The following FAM171B variants were observed in gnomAD, a reference collection of about 807,000 sequenced individuals.
The protein encoded by FAM171B is protein FAM171B.
In FAM171B, 19 loss-of-function variants were observed where a neutral mutation model predicts 75.6. The ratio of observed to expected loss-of-function variants is 0.25; its 90% CI spans 0.18 to 0.37. The LOEUF (loss-of-function observed/expected upper bound fraction) is 0.37, where lower values mean the gene tolerates loss of function less well. Ranked by LOEUF, FAM171B falls within the 10% of genes least tolerant of loss-of-function variation. FAM171B has a pLI of 1.00. For synonymous variants in FAM171B, 367 were observed against 361.7 expected (o/e 1.01, Z -0.17); for missense variants, 848 against 982.4 (o/e 0.86, Z 1.83).
Position 186,762,863 on chromosome 2 carries a change from A to T in FAM171B, c.*40A>T. On this transcript the variant is annotated 3_prime_UTR_variant, in exon 8 of 8. Transcript: ENST00000304698. This position sits in a 1 kb window ranked among gnomAD's most constrained non-coding sequence, Gnocchi z 4.0. ...GTGTGTCTGCTGTCTCGTGCTGTTT[A>T]TTCTTGCTTCTTGTTGTAAATTGCA... 1 of 1,559,734 alleles carries T rather than the reference A, an allele frequency of 6.4e-7. No homozygotes were observed. The highest frequency in any genetic ancestry group is 8.7e-7 in the Non-Finnish European group (1 of 1,155,680).
chr2:186,722,861 G>T (rs937858858), intron 1 of FAM171B, among the ~76,000 whole-genome samples: 4 of 152,178 alleles, frequency 2.6e-5, no homozygotes, highest in Non-Finnish European at 5.9e-5. Context: ...GAGTTGTGCA[G>T]CTCAAAATAG....
At chr2:186,756,660 A>G (rs927120073) in intron 6 of FAM171B, among the ~76,000 whole-genome samples, 4 of 152,234 alleles carry the variant, frequency 2.6e-5, no homozygotes, top group African/African-American at 9.6e-5. Flanking sequence ...ATTATATCCT[A>G]TAATTCAATT....
At chr2:186,721,463 T>C (rs1469560701) in intron 1 of FAM171B, among the ~76,000 whole-genome samples, 2 of 152,190 alleles carry the variant, frequency 1.3e-5, no homozygotes, top group African/African-American at 4.8e-5. Context: ...AAAATAAACG[T>C]GTATTTAGAA....
At chr2:186,711,984 T>G (rs1689815745) in intron 1 of FAM171B, among the ~76,000 whole-genome samples, 1 of 152,216 alleles carries the variant, frequency 6.6e-6, no homozygotes, top group Non-Finnish European at 1.5e-5. Flanking sequence ...TTATCTTGTC[T>G]TTCTCTTGAG....
At chr2:186,695,466 T>A (rs1689566463) in intron 1 of FAM171B, among the ~76,000 whole-genome samples, 1 of 152,250 alleles carries the variant, frequency 6.6e-6, no homozygotes, top group Non-Finnish European at 1.5e-5. Flanking sequence ...GTTTTTGTTT[T>A]AAAATCCTGC....
chr2:186,747,010 T>G (rs2105788277), intron 3 of FAM171B, 82 bp from the exon 4 acceptor site: 1 of 1,044,896 alleles, frequency 9.6e-7, no homozygotes. Context: ...TAATTGCTTC[T>G]TTTAAAGTAA....
At chr2:186,743,236 C>T (rs936621096) in intron 2 of FAM171B, among the ~76,000 whole-genome samples, 4 of 152,088 alleles carry the variant, frequency 2.6e-5, no homozygotes, top group Non-Finnish European at 5.9e-5. Flanking sequence ...TAGACTACTA[C>T]CATCAAATAG....
At chr2:186,701,505 T>C (rs1021441625) in intron 1 of FAM171B, among the ~76,000 whole-genome samples, 3 of 152,210 alleles carry the variant, frequency 2.0e-5, no homozygotes, top group African/African-American at 7.2e-5. Context: ...CACCATTTTC[T>C]CTTGCCCTTT....
intron 1 of FAM171B, among the ~76,000 whole-genome samples, chr2:186,709,967 G>C (rs978568085): frequency 6.6e-6 from 1 of 151,746 alleles, no homozygotes; most frequent in Admixed American, 6.6e-5. Context: ...TCTTTTTTTC[G>C]GGTTAGCCTA....
At chr2:186,711,435 T>A (rs945458652) in intron 1 of FAM171B, among the ~76,000 whole-genome samples, 2 of 152,156 alleles carry the variant, frequency 1.3e-5, no homozygotes, top group Non-Finnish European at 2.9e-5. Context: ...CCATATTTGA[T>A]GATGGAAATG....
intron 1 of FAM171B, among the ~76,000 whole-genome samples, chr2:186,738,309 A>ATAAGGTACACAG (rs1690234642): frequency 1.3e-5 from 2 of 152,014 alleles, no homozygotes; most frequent in Non-Finnish European, 2.9e-5. Flanking sequence ...CCCAAGAAGA[A>ATAAGGTACACAG]TAAGGTACAC....
chr2:186,753,461 TAATA>T (rs1685450474), intron 5 of FAM171B, among the ~76,000 whole-genome samples: 2 of 152,230 alleles, frequency 1.3e-5, no homozygotes, highest in African/African-American at 4.8e-5. Context: ...CTCACAAAAT[TAATA>T]GATAAGTTTT....
intron 2 of FAM171B, among the ~76,000 whole-genome samples, chr2:186,742,472 A>G (rs570423094): frequency 4.6e-5 from 7 of 152,270 alleles, no homozygotes; most frequent in East Asian, 3.9e-4. Flanking sequence ...CTCTTTTCCT[A>G]TGGAAGGAGA....
chr2:186,737,239 G>C (rs528936039), intron 1 of FAM171B, among the ~76,000 whole-genome samples: 2 of 152,330 alleles, frequency 1.3e-5, no homozygotes, highest in East Asian at 3.9e-4. Flanking sequence ...CACTTTCATG[G>C]TGGTACAAGC....
chr2:186,761,041 A>G, intron 6 of FAM171B, 72 bp from the exon 7 acceptor site: 1 of 1,495,924 alleles, frequency 6.7e-7, no homozygotes, highest in Non-Finnish European at 9.0e-7. Flanking sequence ...AATTTGCCTC[A>G]CCCAGGATGT....
intron 1 of FAM171B, among the ~76,000 whole-genome samples, chr2:186,729,254 GAT>G (rs1157684000): frequency 6.6e-6 from 1 of 152,086 alleles, no homozygotes; most frequent in Non-Finnish European, 1.5e-5. Context: ...AACGAATAGT[GAT>G]ATGTTGAAAA....
At chr2:186,697,869 TA>T (rs78181349) in intron 1 of FAM171B, among the ~76,000 whole-genome samples, 14 of 151,580 alleles carry the variant, frequency 9.2e-5, no homozygotes, top group Admixed American at 6.6e-5. Context: ...AAAGCAAGAT[TA>T]AAAAAAAACT....
chr2:186,694,238 A>G lies in FAM171B; in HGVS notation c.65A>G (p.Lys22Arg). The part of the protein sequence containing the change: ...LLLGLAVVLL[K>R]ARLVPAAARA... ...CTCGGCCTGGCCGTGGTGCTGCTGA[A>G]AGCGCGGCTGGTCCCCGCGGCCGCC... The change falls in exon 1 of 8, where the codon AAA becomes AGA. Residue 22 changes from lysine (K) to arginine (R), a missense_variant. Around this residue, in one of 3 missense-constraint regions of FAM171B, gnomAD observed 665 missense variants for 729.0 expected, o/e 0.91. Coordinates refer to ENST00000304698, the MANE Select transcript of FAM171B (RefSeq NM_177454.4). 1 of 1,611,660 alleles carries G rather than the reference A, an allele frequency of 6.2e-7. No homozygotes were observed. The highest frequency in any genetic ancestry group is 8.5e-7 in the Non-Finnish European group (1 of 1,179,830).
rs1201253418 is a variant in FAM171B, at chr2:186,747,025, T to C, written c.566-67T>C. ...TAATTGCTTCTTTTAAAGTAAGACATCCTGACCAATGCTGCTATGCTTAAC... is the reference window on the plus strand; with the variant it reads ...TAATTGCTTCTTTTAAAGTAAGACACCCTGACCAATGCTGCTATGCTTAAC... On this transcript the variant is annotated intron_variant, in intron 3 of 7. Coordinates refer to ENST00000304698, the MANE Select transcript of FAM171B (RefSeq NM_177454.4). 28 of 1,207,540 alleles carry C rather than the reference T, an allele frequency of 2.3e-5. No individual in the cohort carries two copies. The East Asian group carries it at 4.3e-4, about 18-fold the overall frequency. 74.8% of individuals were successfully genotyped at this position (1,207,540 alleles called of 1,614,324 possible).
Sources: allele counts gnomAD v4.1 joint callset (sites outside exome capture counted in the v4.1 genomes callset), GRCh38; gene constraint gnomAD v4.1.1; regional missense constraint gnomAD v4.1.1; non-coding constraint Gnocchi (gnomAD v3.1); transcripts MANE v1.5; gene names NCBI Gene and HGNC (gene_info 2026-07-23, HGNC 2026-07-21).